PGAP1: variants seen among roughly 807,000 people sequenced by gnomAD.
The protein encoded by PGAP1 is post-GPI attachment to proteins inositol deacylase 1.
In PGAP1, 76 loss-of-function variants were observed where a neutral mutation model predicts 127.0. The observed-to-expected ratio is 0.60, with a 90% CI of 0.50 to 0.72. The LOEUF (loss-of-function observed/expected upper bound fraction) is 0.72. Ranked by LOEUF, PGAP1 falls within the 30% of genes least tolerant of loss-of-function variation. The pLI, the probability that PGAP1 is intolerant of heterozygous loss-of-function variation, is 0.00. For missense variants in PGAP1, 982 were observed against 1,071.3 expected (o/e 0.92, Z 1.16); for synonymous variants, 362 against 366.5 (o/e 0.99, Z 0.14).
chr2:196,885,785 C>A, intron 11 of PGAP1, 49 bp downstream of exon 11: 1 of 1,205,086 alleles, frequency 8.3e-7, no homozygotes, highest in South Asian at 2.5e-5. Flanking sequence ...GTGTGGTTTC[C>A]GAGTATTGTT....
Position 196,873,725 on chromosome 2 carries a change from T to C in PGAP1, c.1460A>G (p.Asn487Ser). 1.9e-6 allele frequency: 3 copies of C among 1,611,940 alleles called. No homozygotes were observed. Among genetic ancestry groups the C allele is most frequent in the Non-Finnish European group, 2.5e-6 (3 of 1,178,264 alleles). Residue 487 changes from asparagine (N) to serine (S), a missense_variant, in exon 15 of 27, where the codon AAT becomes AGT. Physicochemically the swap from Asn to Ser is conservative, Grantham distance 46. Transcript: ENST00000354764. ...AAGCTCTAGATTGTAGTATAGGCCA[T>C]TTGTATTTAACACCACTTTCCTTGA... Reference protein sequence around the residue: ...LSSRKVVLNTNGLYYNLELLN... With the variant: ...LSSRKVVLNTSGLYYNLELLN...
At chr2:196,926,100 T>C (rs1169633424) in intron 1 of PGAP1, among the ~76,000 whole-genome samples, 1 of 151,296 alleles carries the variant, frequency 6.6e-6, no homozygotes, top group Non-Finnish European at 1.5e-5. Context: ...AGCTTCGGTT[T>C]AGGGAGAAGG....
intron 19 of PGAP1, among the ~76,000 whole-genome samples, chr2:196,865,530 T>G (rs1024980338): frequency 2.0e-5 from 3 of 152,172 alleles, no homozygotes; most frequent in Non-Finnish European, 4.4e-5. Flanking sequence ...TTCCCCTCTC[T>G]ATGTCTTTAT....
chr2:196,879,565 T>C (rs1701667849), intron 13 of PGAP1, among the ~76,000 whole-genome samples: 1 of 152,086 alleles, frequency 6.6e-6, no homozygotes, highest in Admixed American at 6.5e-5. Context: ...TGTGGTAGCA[T>C]GCGCCTGTAG....
In PGAP1 at chr2:196,893,179, G is replaced by A. The variant is rs1330824560; in HGVS notation, c.994C>T (p.His332Tyr). Residue 332 changes from histidine (H) to tyrosine (Y), a missense_variant, in exon 8 of 27, where the codon CAT becomes TAT. By Grantham distance (83) the His-to-Tyr change is moderately conservative (BLOSUM62 2). Coordinates refer to ENST00000354764, the MANE Select transcript of PGAP1 (RefSeq NM_024989.4). ...YHHFIRHPSK[H>Y]FEENPAIISD... ...ATTATAGCTGGATTTTCCTCAAAAT[G>A]TTTTGATGGGTGTCTTATAAAGTGG... 3 of 1,599,090 alleles carry A rather than the reference G, an allele frequency of 1.9e-6. No homozygotes were observed. The highest frequency in any genetic ancestry group is 1.7e-5 in the Admixed American group (1 of 58,936).
intron 22 of PGAP1, among the ~76,000 whole-genome samples, chr2:196,846,761 G>A (rs1010898502): frequency 5.3e-5 from 8 of 152,244 alleles, no homozygotes; most frequent in South Asian, 4.1e-4. Context: ...AACTATCTGC[G>A]TAATTTGTCA....
At chr2:196,884,422 CA>C (rs1304979043) in intron 12 of PGAP1, among the ~76,000 whole-genome samples, 4 of 152,122 alleles carry the variant, frequency 2.6e-5, no homozygotes, top group African/African-American at 9.7e-5. Flanking sequence ...TTGATAAACA[CA>C]AGGTCACATG....
At chr2:196,853,270 T>C (rs1008305399) in intron 20 of PGAP1, among the ~76,000 whole-genome samples, 9 of 152,240 alleles carry the variant, frequency 5.9e-5, no homozygotes, top group Non-Finnish European at 8.8e-5. Context: ...TTTTCTTCAG[T>C]TCTAACTGTA....
intron 19 of PGAP1, among the ~76,000 whole-genome samples, chr2:196,867,806 C>G (rs1277405709): frequency 1.3e-5 from 2 of 152,094 alleles, no homozygotes; most frequent in African/African-American, 4.8e-5. Flanking sequence ...AATTCAGGGT[C>G]TCCCTAAAGT....
chr2:196,925,111 C>A (rs1178864103), intron 1 of PGAP1, among the ~76,000 whole-genome samples: 2 of 123,082 alleles, frequency 1.6e-5, no homozygotes, highest in Non-Finnish European at 3.4e-5. Context: ...ATGTCAAAAT[C>A]TTCTCCTTCG....
At chr2:196,861,139 G>T (rs1701049864) in intron 20 of PGAP1, among the ~76,000 whole-genome samples, 2 of 152,120 alleles carry the variant, frequency 1.3e-5, no homozygotes, top group African/African-American at 2.4e-5. Context: ...ATATGCAGAA[G>T]AAAGAAACTA....
At chr2:196,902,472 T>G in intron 5 of PGAP1, 113 bp downstream of exon 5, 1 of 853,104 alleles carries the variant, frequency 1.2e-6, no homozygotes, top group South Asian at 1.9e-5. Context: ...CACACAGCAG[T>G]CCAACACCAC....
At chr2:196,850,407 G>A (rs1441402603) in intron 20 of PGAP1, among the ~76,000 whole-genome samples, 1 of 152,180 alleles carries the variant, frequency 6.6e-6, no homozygotes, top group Non-Finnish European at 1.5e-5. Context: ...ATAGAATGGA[G>A]AACAAGATCA....
At position 196,842,976 on chromosome 2, in the gene PGAP1, AT is replaced by A. The variant is rs529740094; in HGVS notation, c.2526-152del. 554 of 378,522 alleles carry A rather than the reference AT, an allele frequency of 1.5e-3. 11 individuals are homozygous for A. The Admixed American group carries it at 0.02, about 14-fold the overall frequency. The allele number at this position is 378,522 out of a possible 1,614,324, so 23.4% of individuals were successfully genotyped here. A position where few individuals can be genotyped will look rare whatever the true frequency, so the allele number is the denominator to read the frequency against. On this transcript the variant is annotated intron_variant, in intron 25 of 26. Coordinates refer to ENST00000354764, the MANE Select transcript of PGAP1 (RefSeq NM_024989.4). ...TAGTTCATGAAATATCTGATAAATA[AT>A]TTTTGTTCTACATCATCTTTGTATT... is the stretch of plus-strand genomic sequence containing the variant.
At chr2:196,902,877 C>T in intron 4 of PGAP1, 135 bp from the exon 5 acceptor site, 1 of 559,272 alleles carries the variant, frequency 1.8e-6, no homozygotes, top group Non-Finnish European at 3.0e-6. Flanking sequence ...GAGTTATTCA[C>T]ATTTCCCTAT....
rs567699212 is a variant in PGAP1, at chr2:196,890,698, G to A, written c.1173+130C>T. The A allele has an allele frequency of 3.6e-4, 203 of 571,638 alleles. No individual in the cohort carries two copies. In the South Asian group the frequency reaches 4.4e-3, roughly 12 times the overall value. 35.4% of individuals were successfully genotyped at this position (571,638 alleles called of 1,614,324 possible). A position where few individuals can be genotyped will look rare whatever the true frequency, so the allele number is the denominator to read the frequency against. The stretch of plus-strand genomic sequence containing the variant: ...TCAATACTTTTCAATCAAAACACTC[G>A]TCCAGAGAAATTATTTTTCAACTAC... On this transcript the variant is annotated intron_variant, in intron 10 of 26. Transcript: ENST00000354764.
Position 196,844,092 on chromosome 2 carries a change from T to G in PGAP1, c.2338-17A>C. 1.4e-6 allele frequency: 2 copies of G among 1,462,828 alleles called. No individual in the cohort carries two copies. The highest frequency in any genetic ancestry group is 1.9e-6 in the Non-Finnish European group (2 of 1,079,348). The allele number at this position is 1,462,828 out of a possible 1,614,324, so 90.6% of individuals were successfully genotyped here. ...TTTGGGATTCTATAAAACAATAAAG[T>G]AGAAATATCAAGACACTAAACAAAA... On this transcript the variant is annotated splice_polypyrimidine_tract_variant and intron_variant, in intron 24 of 26. Transcript: ENST00000354764.
chr2:196,843,147 A>G (rs112067591), intron 25 of PGAP1, among the ~76,000 whole-genome samples: 3 of 152,300 alleles, frequency 2.0e-5, no homozygotes, highest in Non-Finnish European at 4.4e-5. Context: ...ATACATGAGT[A>G]CTACTCTATA....
Position 196,838,844 on chromosome 2 carries a change from G to C in PGAP1, c.*2390C>G. ...GCAAATCACGAGGTCAAGAGTTTGA[G>C]ACCAGCCTAGCCAACATGGTGAAAC... On this transcript the variant is annotated 3_prime_UTR_variant, in exon 27 of 27. Coordinates refer to ENST00000354764, the MANE Select transcript of PGAP1 (RefSeq NM_024989.4). The C allele has an allele frequency of 6.6e-6, 1 of 152,282 alleles. No individual in the cohort carries two copies. Among genetic ancestry groups the C allele is most frequent in the Non-Finnish European group, 1.5e-5 (1 of 68,138 alleles). The allele number at this position is 152,282 out of a possible 1,614,324, so 9.4% of individuals were successfully genotyped here.
Sources: gnomAD v4.1 joint callset for allele counts (sites outside exome capture counted in the v4.1 genomes callset) on GRCh38, gnomAD v4.1.1 for gene constraint, MANE v1.5 for transcripts, NCBI Gene and HGNC (gene_info 2026-07-23, HGNC 2026-07-21) for gene names.